Variants in TRPM7 observed in about 807,000 individuals in gnomAD.
The protein encoded by TRPM7 is transient receptor potential cation channel subfamily M member 7, also known as LTRPC ion channel family member 7.
TRPM7 carries 134 observed loss-of-function variants against 229.7 expected under a neutral mutation model. The observed-to-expected ratio is 0.58, with a 90% CI of 0.51 to 0.67. TRPM7 has a LOEUF of 0.67. TRPM7 is among the 30% of genes least tolerant of loss of function. The pLI, the probability that TRPM7 is intolerant of heterozygous loss-of-function variation, is 0.00. For synonymous variants in TRPM7, 699 were observed against 715.2 expected (o/e 0.98, Z 0.36); for missense variants, 1,901 against 2,210.0 (o/e 0.86, Z 2.80).
intron 28 of TRPM7, among the ~76,000 whole-genome samples, chr15:50,584,074 A>G (rs890285647): frequency 3.3e-5 from 5 of 152,206 alleles, no homozygotes; most frequent in Admixed American, 1.3e-4. Context: ...CTTTGTTGTC[A>G]TATCTTATTT....
Position 50,614,278 on chromosome 15 carries a change from T to C in TRPM7, c.1495-15A>G. The C allele has an allele frequency of 1.3e-6, 2 of 1,594,258 alleles. No homozygotes were observed. The highest frequency in any genetic ancestry group is 1.4e-5 in the African/African-American group (1 of 73,792). ...GGAAGATTTCCCTAGAAACAAAACA[T>C]TTGTTTTAAATAGATCAGATAGCAC... On this transcript the variant is annotated splice_polypyrimidine_tract_variant and intron_variant, in intron 13 of 38. Transcript: ENST00000646667.
intron 13 of TRPM7, among the ~76,000 whole-genome samples, chr15:50,614,986 A>G (rs563315312): frequency 6.6e-6 from 1 of 152,092 alleles, no homozygotes; most frequent in African/African-American, 2.4e-5. Flanking sequence ...CCTGGCCAAC[A>G]TGGAGAAACC....
At chr15:50,671,339 C>T (rs2061983175) in intron 1 of TRPM7, among the ~76,000 whole-genome samples, 1 of 152,146 alleles carries the variant, frequency 6.6e-6, no homozygotes, top group African/African-American at 2.4e-5. Flanking sequence ...GCTTATTTCA[C>T]TTAACATAAT....
intron 21 of TRPM7, among the ~76,000 whole-genome samples, chr15:50,601,773 A>G (rs1347648114): frequency 6.6e-6 from 1 of 152,066 alleles, no homozygotes; most frequent in African/African-American, 2.4e-5. Context: ...TATTAGGTTG[A>G]TGCAAAAGTA....
At chr15:50,616,031 A>T (rs1315131859) in intron 13 of TRPM7, among the ~76,000 whole-genome samples, 1 of 152,202 alleles carries the variant, frequency 6.6e-6, no homozygotes, top group Admixed American at 6.6e-5. Context: ...GTTTTAACTC[A>T]AGCAATCTCA....
intron 3 of TRPM7, among the ~76,000 whole-genome samples, chr15:50,652,270 T>C (rs1476823808): frequency 7.5e-6 from 1 of 133,786 alleles, no homozygotes; most frequent in Admixed American, 9.4e-5. Flanking sequence ...GAGGCGGAGA[T>C]TGCAGTGAGC....
chr15:50,608,941 T>C (rs1481494851), intron 19 of TRPM7, among the ~76,000 whole-genome samples: 1 of 152,182 alleles, frequency 6.6e-6, no homozygotes, highest in African/African-American at 2.4e-5. Context: ...CTAGTGCTCA[T>C]TCTCCACACA....
chr15:50,599,080 C>A, intron 22 of TRPM7, 42 bp downstream of exon 22: 2 of 1,451,480 alleles, frequency 1.4e-6, no homozygotes, highest in South Asian at 1.4e-5. Context: ...TTTTAAAACA[C>A]AAAATAACCA....
Position 50,609,802 on chromosome 15 carries a change from T to A in TRPM7, c.2436+4A>T. The stretch of plus-strand genomic sequence containing the variant: ...TATTTACTTTAAAATGTTTTCCTGC[T>A]TACCATGGGGATCTCTTCTGTTATG... On this transcript the variant is annotated splice_donor_region_variant and intron_variant, in intron 18 of 38. Coordinates refer to ENST00000646667, the MANE Select transcript of TRPM7 (RefSeq NM_017672.6). The A allele has an allele frequency of 6.2e-7, 1 of 1,605,532 alleles. No individual in the cohort carries two copies. Among genetic ancestry groups the A allele is most frequent in the Non-Finnish European group, 8.5e-7 (1 of 1,177,488 alleles).
intron 27 of TRPM7, 68 bp from the exon 28 acceptor site, chr15:50,586,556 A>C (rs1406072034): frequency 2.1e-6 from 2 of 952,008 alleles, no homozygotes; most frequent in Non-Finnish European, 3.3e-6. Flanking sequence ...TACTCTAAGT[A>C]GTATTAGAGT....
chr15:50,648,227 T>C (rs967293443), intron 4 of TRPM7, among the ~76,000 whole-genome samples: 1 of 151,900 alleles, frequency 6.6e-6, no homozygotes. Flanking sequence ...GTATAAATAA[T>C]ATGCTAATAA....
At chr15:50,664,702 C>T (rs918472146) in intron 1 of TRPM7, among the ~76,000 whole-genome samples, 1 of 152,196 alleles carries the variant, frequency 6.6e-6, no homozygotes, top group African/African-American at 2.4e-5. Context: ...CATGGTGGCT[C>T]ACGCCTGTAA....
intron 25 of TRPM7, 129 bp from the exon 26 acceptor site, chr15:50,592,755 TAC>T (rs1458121712): frequency 1.6e-6 from 1 of 636,968 alleles, no homozygotes; most frequent in African/African-American, 1.8e-5. Context: ...TAAAATAAGG[TAC>T]AGTTATTTAA....
At chr15:50,651,647 G>GA (rs1189637604) in intron 3 of TRPM7, among the ~76,000 whole-genome samples, 1 of 151,834 alleles carries the variant, frequency 6.6e-6, no homozygotes, top group Non-Finnish European at 1.5e-5. Context: ...AAAAATTAAA[G>GA]AAAAAATTAA....
chr15:50,630,325 C>A (rs2060694942), intron 10 of TRPM7, among the ~76,000 whole-genome samples: 1 of 152,024 alleles, frequency 6.6e-6, no homozygotes, highest in South Asian at 2.1e-4. Context: ...TTATTATGGT[C>A]TAATATGCAA....
intron 20 of TRPM7, among the ~76,000 whole-genome samples, chr15:50,605,819 T>C (rs2059904631): frequency 6.6e-6 from 1 of 152,326 alleles, no homozygotes; most frequent in East Asian, 1.9e-4. Context: ...CAAATCAATT[T>C]CTTCAAACAT....
chr15:50,569,741 A>T, intron 38 of TRPM7, 146 bp downstream of exon 38: 1 of 486,712 alleles, frequency 2.1e-6, no homozygotes, highest in East Asian at 3.2e-5. Context: ...ATTTATAACC[A>T]ACAATATGTA....
intron 21 of TRPM7, among the ~76,000 whole-genome samples, chr15:50,600,405 C>G (rs1189202549): frequency 6.6e-6 from 1 of 150,604 alleles, no homozygotes; most frequent in Non-Finnish European, 1.5e-5. Context: ...CCACTGCACT[C>G]CAGTCTGGGA....
chr15:50,613,993 T>C, intron 14 of TRPM7, 130 bp downstream of exon 14: 1 of 1,332,024 alleles, frequency 7.5e-7, no homozygotes, highest in Non-Finnish European at 1.0e-6. Context: ...TATTTCTAAT[T>C]GCTCTTAGTT....
Sources: gnomAD v4.1 joint callset for allele counts (sites outside exome capture counted in the v4.1 genomes callset) on GRCh38, gnomAD v4.1.1 for gene constraint, MANE v1.5 for transcripts, NCBI Gene and HGNC (gene_info 2026-07-23, HGNC 2026-07-21) for gene names.